ABCC1: variants seen among roughly 807,000 people sequenced by gnomAD.
The protein encoded by ABCC1 is ATP binding cassette subfamily C member 1 (ABCC1 blood group), also known as multidrug resistance-associated protein 1.
ABCC1 carries 83 observed loss-of-function variants against 172.9 expected under a neutral mutation model. The observed-to-expected ratio is 0.48, with a 90% CI of 0.40 to 0.58. The LOEUF (loss-of-function observed/expected upper bound fraction) is 0.58, where lower values mean the gene tolerates loss of function less well. ABCC1 is among the 20% of genes least tolerant of loss of function. ABCC1 has a pLI of 0.00. For missense variants in ABCC1, 1,817 were observed against 2,002.7 expected (o/e 0.91, Z 1.77); for synonymous variants, 937 against 825.2 (o/e 1.14, Z -2.32).
chr16:16,107,078 G>C (rs897286392), intron 21 of ABCC1, among the ~76,000 whole-genome samples: 2 of 152,094 alleles, frequency 1.3e-5, no homozygotes, highest in African/African-American at 4.8e-5. Flanking sequence ...CGGCAGAACT[G>C]GGATTTGAAC....
intron 5 of ABCC1, among the ~76,000 whole-genome samples, chr16:16,030,624 G>A (rs1372701678): frequency 1.3e-5 from 2 of 151,738 alleles, no homozygotes; most frequent in Non-Finnish European, 2.9e-5. Flanking sequence ...AGCCTGCAGC[G>A]GCCACTTCTG....
intron 5 of ABCC1, among the ~76,000 whole-genome samples, chr16:16,022,684 C>T (rs1474313307): frequency 1.3e-5 from 2 of 152,120 alleles, no homozygotes; most frequent in Non-Finnish European, 2.9e-5. Context: ...CTACTCAGCT[C>T]GTTTGCAGTA....
Position 16,120,153 on chromosome 16 carries a change from TG to T in ABCC1, c.3391-1821del, listed in dbSNP as rs540133043. ...CCTTGTAAAAGCCACCTGCTGCTATTGATGCTTTTTGTTGGACTCTGCCCCA... is the reference window on the plus strand; with the variant it reads ...CCTTGTAAAAGCCACCTGCTGCTATTATGCTTTTTGTTGGACTCTGCCCCA... On this transcript the variant is annotated intron_variant, in intron 23 of 30. Transcript: ENST00000399410. Among the ~76,000 whole-genome samples the T allele has an allele frequency of 7.2e-5, 11 of 152,170 alleles. No homozygotes were observed. In the South Asian group the frequency reaches 2.3e-3, roughly 32 times the overall value.
At chr16:16,102,062 C>T (rs192673341) in intron 19 of ABCC1, among the ~76,000 whole-genome samples, 4 of 152,250 alleles carry the variant, frequency 2.6e-5, no homozygotes, top group Admixed American at 2.0e-4. Flanking sequence ...GTGGAAACAG[C>T]CACTGCCCCA....
chr16:16,113,640 A>T (rs1174387863), intron 22 of ABCC1, among the ~76,000 whole-genome samples: 1 of 152,132 alleles, frequency 6.6e-6, no homozygotes, highest in Non-Finnish European at 1.5e-5. Context: ...GGGTGACAGG[A>T]TGAGAGAGAC....
At chr16:16,005,873 G>A (rs1158792282) in intron 1 of ABCC1, among the ~76,000 whole-genome samples, 1 of 152,016 alleles carries the variant, frequency 6.6e-6, no homozygotes, top group African/African-American at 2.4e-5. Context: ...AGAATCACTT[G>A]AACCCGGGAA....
At chr16:15,997,900 A>AC (rs1257461692) in intron 1 of ABCC1, among the ~76,000 whole-genome samples, 2 of 128,458 alleles carry the variant, frequency 1.6e-5, no homozygotes, top group African/African-American at 6.1e-5. Flanking sequence ...TGCAACCTCC[A>AC]CCTCCTGGGT....
At chr16:15,951,857 T>G (rs2045882259) in intron 1 of ABCC1, among the ~76,000 whole-genome samples, 1 of 152,026 alleles carries the variant, frequency 6.6e-6, no homozygotes, top group Non-Finnish European at 1.5e-5. Flanking sequence ...GCCCAGCTAA[T>G]TTTTGTATTT....
At chr16:16,006,886 T>C (rs1334239647) in intron 1 of ABCC1, among the ~76,000 whole-genome samples, 1 of 150,072 alleles carries the variant, frequency 6.7e-6, no homozygotes. Flanking sequence ...GCGGTGATGG[T>C]GGTGGTGATG....
At chr16:16,074,982 T>C (rs190664062) in intron 14 of ABCC1, among the ~76,000 whole-genome samples, 207 of 151,412 alleles carry the variant, frequency 1.4e-3, no homozygotes, top group Non-Finnish European at 2.4e-3. Context: ...AGTTTCACTC[T>C]GTTGCCCAGG....
rs528959729 is a variant in ABCC1 at position 16,040,546 on chromosome 16, C to T, written c.810-3904C>T. Among the ~76,000 whole-genome samples, 17 of 152,176 alleles carry T rather than the reference C, an allele frequency of 1.1e-4. No individual in the cohort carries two copies. The South Asian group carries it at 3.5e-3, about 32-fold the overall frequency. On this transcript the variant is annotated intron_variant, in intron 7 of 30. Transcript: ENST00000399410. ...AGGTGATCTGCCTGCCTCGGCCTCC[C>T]AAAGTGCTGGGATTACAGGTGTGAG...
chr16:16,122,092 G>A lies in ABCC1; in HGVS notation c.3508G>A (p.Glu1170Lys). The A allele has an allele frequency of 1.9e-6, 3 of 1,614,208 alleles. No individual in the cohort carries two copies. The highest frequency in any genetic ancestry group is 1.6e-4 in the Middle Eastern group (1 of 6,062). Residue 1170 changes from glutamate (E) to lysine (K), a missense_variant, in exon 24 of 31, where the codon GAG becomes AAG. Around this residue, in one of 3 missense-constraint regions of ABCC1, gnomAD observed 1,412 missense variants for 1,600.3 expected, o/e 0.88. Coordinates refer to ENST00000399410, the MANE Select transcript of ABCC1 (RefSeq NM_004996.4). Reference protein sequence around the residue: ...LGVSVIRAFEEQERFIHQSDL... With the variant: ...LGVSVIRAFEKQERFIHQSDL... The stretch of plus-strand genomic sequence containing the variant: ...GGTCAGCGTCATTCGAGCCTTCGAG[G>A]AGCAGGAGCGCTTCATCCACCAGAG...
chr16:16,139,234 C>G (rs1441721349), intron 30 of ABCC1, among the ~76,000 whole-genome samples: 1 of 152,160 alleles, frequency 6.6e-6, no homozygotes, highest in African/African-American at 2.4e-5. Context: ...GACGGGATAG[C>G]GAGTGCTGGG....
intron 1 of ABCC1, among the ~76,000 whole-genome samples, chr16:15,962,218 T>C (rs1299691034): frequency 6.6e-6 from 1 of 152,186 alleles, no homozygotes; most frequent in African/African-American, 2.4e-5. Context: ...AGCAGAAGTG[T>C]GCTTTGGTTT....
At chr16:16,034,058 C>T (rs1462259353) in intron 6 of ABCC1, among the ~76,000 whole-genome samples, 23 of 91,328 alleles carry the variant, frequency 2.5e-4, no homozygotes, top group African/African-American at 7.1e-4. Context: ...GACAGGCTTT[C>T]GCTCTGTCGC....
intron 1 of ABCC1, among the ~76,000 whole-genome samples, chr16:15,993,689 G>A (rs1330223208): frequency 1.4e-5 from 2 of 147,400 alleles, no homozygotes; most frequent in East Asian, 4.2e-4. Context: ...TGTAAGTGGT[G>A]GAGACGGGAA....
chr16:16,030,526 AAAAAC>A (rs1014504692), intron 5 of ABCC1, among the ~76,000 whole-genome samples: 21 of 152,120 alleles, frequency 1.4e-4, no homozygotes, highest in East Asian at 9.6e-4. Context: ...CTCCATCTCA[AAAAAC>A]AAAACAAAAC....
At chr16:16,086,522 A>G (rs897623348) in intron 17 of ABCC1, among the ~76,000 whole-genome samples, 12 of 152,134 alleles carry the variant, frequency 7.9e-5, no homozygotes, top group Non-Finnish European at 1.8e-4. Context: ...TGGCCCAGCC[A>G]TAGCTCGTTG....
Position 15,999,817 on chromosome 16 carries a change from T to TCTCTCTCTC in ABCC1, c.49-7998_49-7990dup, listed in dbSNP as rs1555478365. Among the ~76,000 whole-genome samples the TCTCTCTCTC allele has an allele frequency of 2.3e-3, 150 of 66,256 alleles. 10 individuals carry two copies. Among genetic ancestry groups the TCTCTCTCTC allele is most frequent in the African/African-American group, 6.7e-3 (134 of 19,988 alleles). 43.5% of individuals were successfully genotyped at this position (66,256 alleles called of 152,430 possible). Reference sequence around the variant, plus strand: ...TCTCTCTCTCTCTCTCTCCTCTCTCTCTCTCTCTCTCTCTCTGTCTCTTTC... The same window carrying TCTCTCTCTC: ...TCTCTCTCTCTCTCTCTCCTCTCTCTCTCTCTCTCCTCTCTCTCTCTCTCTGTCTCTTTC... On this transcript the variant is annotated intron_variant, in intron 1 of 30. Transcript: ENST00000399410.
Sources: gnomAD v4.1 joint callset for allele counts (sites outside exome capture counted in the v4.1 genomes callset) on GRCh38, gnomAD v4.1.1 for gene constraint, gnomAD v4.1.1 regional missense constraint, MANE v1.5 for transcripts, NCBI Gene and HGNC (gene_info 2026-07-23, HGNC 2026-07-21) for gene names.